Variants in C18orf54 observed in about 807,000 individuals in gnomAD.
The protein encoded by C18orf54 is lung adenoma susceptibility protein 2.
In C18orf54, 49 loss-of-function variants were observed where a neutral mutation model predicts 49.3. That is an observed-to-expected ratio of 0.99 (90% CI 0.79 to 1.26). C18orf54 has a LOEUF of 1.26. Among genes scored for constraint, C18orf54 ranks in the 50% most tolerant of loss-of-function variants. The pLI is 0.00. For synonymous variants in C18orf54, 211 were observed against 216.6 expected, an observed-to-expected ratio of 0.97 and a Z score of 0.23; for missense variants, 687 against 620.6, an observed-to-expected ratio of 1.11 and a Z score of -1.14.
intron 6 of C18orf54, among the ~76,000 whole-genome samples, chr18:54,368,023 C>A (rs1174766624): frequency 6.6e-6 from 1 of 151,836 alleles, no homozygotes; most frequent in African/African-American, 2.4e-5. Flanking sequence ...TGTGTATTTT[C>A]TGTTTGGTTC....
intron 5 of C18orf54, among the ~76,000 whole-genome samples, chr18:54,363,140 G>A (rs188304112): frequency 1.1e-4 from 17 of 152,070 alleles, no homozygotes; most frequent in Admixed American, 2.6e-4. Flanking sequence ...TCTTTGTTAC[G>A]TACTCATTTT....
intron 8 of C18orf54, among the ~76,000 whole-genome samples, chr18:54,377,377 A>G (rs1410817355): frequency 6.6e-6 from 1 of 152,142 alleles, no homozygotes; most frequent in Non-Finnish European, 1.5e-5. Context: ...TAATTACTAT[A>G]TTGTCACTCT....
chr18:54,377,224 A>G (rs1221528149), intron 8 of C18orf54, among the ~76,000 whole-genome samples: 1 of 151,932 alleles, frequency 6.6e-6, no homozygotes, highest in Non-Finnish European at 1.5e-5. Flanking sequence ...TTTAATAAAG[A>G]TGGGGTTTCA....
At chr18:54,364,678 A>G (rs1319422690) in intron 5 of C18orf54, among the ~76,000 whole-genome samples, 2 of 147,134 alleles carry the variant, frequency 1.4e-5, no homozygotes, top group Non-Finnish European at 3.0e-5. Flanking sequence ...ACGAAAGTAG[A>G]ATAGCATAAT....
intron 1 of C18orf54, 128 bp downstream of exon 1, chr18:54,358,203 G>A (rs748759346): frequency 6.5e-6 from 1 of 152,932 alleles, no homozygotes; most frequent in Non-Finnish European, 1.5e-5. Flanking sequence ...CGAAAGGAGA[G>A]TGGCGAGGAA....
chr18:54,380,143 A>C lies in C18orf54; in HGVS notation c.*1897A>C, dbSNP rs1421511115. The C allele has an allele frequency of 2.0e-5, 3 of 152,056 alleles. No individual in the cohort carries two copies. The highest frequency in any genetic ancestry group is 2.9e-5 in the Non-Finnish European group (2 of 67,914). 9.4% of individuals were successfully genotyped at this position (152,056 alleles called of 1,614,324 possible). A position where few individuals can be genotyped will look rare whatever the true frequency, so the allele number is the denominator to read the frequency against. ...ATATCTAGGAGAGTCAAGTAAGAAA[A>C]ATAACGAATCTAAGTGATAAACATT... On this transcript the variant is annotated 3_prime_UTR_variant, in exon 9 of 9. Transcript: ENST00000620105.
In C18orf54 at chr18:54,372,613, A is replaced by G; in HGVS notation, c.1458+16A>G. On this transcript the variant is annotated intron_variant, in intron 7 of 8. Transcript: ENST00000620105. ...GATTAAACAAGTAAGCACAAACATG[A>G]TTTATGAATTGAGATTTGTGAATTT... 1 of 1,552,498 alleles carries G rather than the reference A, an allele frequency of 6.4e-7. No individual in the cohort carries two copies. Among genetic ancestry groups the G allele is most frequent in the Non-Finnish European group, 8.7e-7 (1 of 1,147,798 alleles).
At chr18:54,372,185 T>G (rs1363235294) in intron 6 of C18orf54, among the ~76,000 whole-genome samples, 1 of 152,032 alleles carries the variant, frequency 6.6e-6, no homozygotes, top group Non-Finnish European at 1.5e-5. Context: ...TGTGCGAAAT[T>G]AATTTGTCAT....
chr18:54,375,945 A>G (rs1457225775), intron 8 of C18orf54, among the ~76,000 whole-genome samples: 2 of 152,178 alleles, frequency 1.3e-5, no homozygotes, highest in African/African-American at 2.4e-5. Flanking sequence ...TTTTAAGGAC[A>G]ATTTAAATTT....
At position 54,360,988 on chromosome 18, in the gene C18orf54, G is replaced by GT. The variant is rs878937875; in HGVS notation, c.283+138dup. On this transcript the variant is annotated intron_variant, in intron 3 of 8. Transcript: ENST00000620105. ...AATAACATAATATTGAGATCTGGGTGTTTTTGTAAAATGATTATATAATTC... is the reference window on the plus strand; with the variant it reads ...AATAACATAATATTGAGATCTGGGTGTTTTTTGTAAAATGATTATATAATTC... 2.1e-5 allele frequency: 18 copies of GT among 846,542 alleles called. No homozygotes were observed. The South Asian group carries it at 2.9e-4, about 14-fold the overall frequency. 52.4% of individuals were successfully genotyped at this position (846,542 alleles called of 1,614,324 possible).
At chr18:54,367,088 A>G (rs1332746514) in intron 6 of C18orf54, among the ~76,000 whole-genome samples, 1 of 152,086 alleles carries the variant, frequency 6.6e-6, no homozygotes, top group Non-Finnish European at 1.5e-5. Context: ...ATAGTTGGAC[A>G]ATGTTATTTT....
rs144365491 is a variant in C18orf54, at chr18:54,381,651, C to T, written c.*3405C>T. 7 of 152,254 alleles carry T rather than the reference C, an allele frequency of 4.6e-5. No homozygotes were observed. The highest frequency in any genetic ancestry group is 2.1e-4 in the South Asian group (1 of 4,824). The allele number at this position is 152,254 out of a possible 1,614,324, so 9.4% of individuals were successfully genotyped here. ...ACTCAATTTTTATTCTTTTATCTAACGCTTACTCTTACATTTCTTTAAAGC... is the reference window on the plus strand; with the variant it reads ...ACTCAATTTTTATTCTTTTATCTAATGCTTACTCTTACATTTCTTTAAAGC... On this transcript the variant is annotated 3_prime_UTR_variant, in exon 9 of 9. Transcript: ENST00000620105.
rs917585412 is a variant in C18orf54, at chr18:54,381,404, T to C, written c.*3158T>C. On this transcript the variant is annotated 3_prime_UTR_variant, in exon 9 of 9. Coordinates refer to ENST00000620105, the MANE Select transcript of C18orf54 (RefSeq NM_001288980.2). ...CAGGACCTTCACTGGGACTAGTTCA[T>C]TCATTTTCAAATAGCTATTTCAACC... 6.6e-6 allele frequency: 1 copy of C among 152,238 alleles called. No individual in the cohort carries two copies. Among genetic ancestry groups the C allele is most frequent in the Non-Finnish European group, 1.5e-5 (1 of 68,046 alleles). 9.4% of individuals were successfully genotyped at this position (152,238 alleles called of 1,614,324 possible). A position where few individuals can be genotyped will look rare whatever the true frequency, so the allele number is the denominator to read the frequency against.
Position 54,361,734 on chromosome 18 carries a change from T to C in C18orf54, c.375T>C (p.Thr125=). ...ACATAGACTCCATGAGCCTAACAACTGATGATCTATTAAGACTCCCAGCAG... is the reference window on the plus strand; with the variant it reads ...ACATAGACTCCATGAGCCTAACAACCGATGATCTATTAAGACTCCCAGCAG... ...VNDIDSMSLT[T]DDLLRLPADG... The change falls in exon 4 of 9, where the codon ACT becomes ACC. Residue 125 remains threonine (T), a synonymous_variant. Coordinates refer to ENST00000620105, the MANE Select transcript of C18orf54 (RefSeq NM_001288980.2). 1 of 1,614,060 alleles carries C rather than the reference T, an allele frequency of 6.2e-7. No individual in the cohort carries two copies. Among genetic ancestry groups the C allele is most frequent in the South Asian group, 1.1e-5 (1 of 91,082 alleles).
chr18:54,362,892 C>T lies in C18orf54; in HGVS notation c.1194C>T (p.Asp398=). The stretch of plus-strand genomic sequence containing the variant: ...GCTCATTAGATAAACTTGAAGCAGA[C>T]AGATCATGGGAAAATATTCCTGTTA... ...SPCSLDKLEA[D]RSWENIPVTF... The change falls in exon 5 of 9, where the codon GAC becomes GAT. Residue 398 remains aspartate, a synonymous_variant. Coordinates refer to ENST00000620105, the MANE Select transcript of C18orf54 (RefSeq NM_001288980.2). 6.2e-7 allele frequency: 1 copy of T among 1,605,966 alleles called. No individual in the cohort carries two copies. The highest frequency in any genetic ancestry group is 8.5e-7 in the Non-Finnish European group (1 of 1,178,404).
chr18:54,361,751 T>C lies in C18orf54; in HGVS notation c.392T>C (p.Leu131Pro). ...MSLTTDDLLR[L>P]PADGSFSYTY... ...CTAACAACTGATGATCTATTAAGAC[T>C]CCCAGCAGATGGATCATTTTCTTAT... The change falls in exon 4 of 9, where the codon CTC (leucine) becomes CCC (proline). Residue 131 changes from leucine (L) to proline (P), a missense_variant. Leu to Pro is a moderately conservative substitution (Grantham distance 98). Transcript: ENST00000620105. The C allele has an allele frequency of 6.2e-7, 1 of 1,614,030 alleles. No individual in the cohort carries two copies.
chr18:54,372,319 C>A (rs2089499984), intron 6 of C18orf54, 147 bp from the exon 7 acceptor site: 1 of 774,702 alleles, frequency 1.3e-6, no homozygotes, highest in Non-Finnish European at 1.9e-6. Flanking sequence ...TGGTGAGTTA[C>A]AATTTTGATT....
intron 6 of C18orf54, among the ~76,000 whole-genome samples, chr18:54,368,139 T>TA (rs1183751813): frequency 4.6e-5 from 7 of 152,108 alleles, no homozygotes; most frequent in African/African-American, 1.7e-4. Context: ...TGAGTTTTTT[T>TA]AAAAAAACAT....
chr18:54,377,015 G>T (rs986393559), intron 8 of C18orf54, among the ~76,000 whole-genome samples: 2 of 150,338 alleles, frequency 1.3e-5, no homozygotes, highest in Non-Finnish European at 1.5e-5. Context: ...CACAGCTTAT[G>T]TTTTTTTTTT....
Sources: allele counts gnomAD v4.1 joint callset (sites outside exome capture counted in the v4.1 genomes callset), GRCh38; gene constraint gnomAD v4.1.1; transcripts MANE v1.5; gene names NCBI Gene and HGNC (gene_info 2026-07-23, HGNC 2026-07-21).